Variants in PDE1C observed in about 807,000 individuals in gnomAD.
PDE1C encodes the protein phosphodiesterase 1C, also known as dual specificity calcium/calmodulin-dependent 3',5'-cyclic nucleotide phosphodiesterase 1C.
A neutral mutation model predicts 93.1 loss-of-function variants in PDE1C; 62 were observed. The ratio of observed to expected loss-of-function variants is 0.67; its 90% CI spans 0.54 to 0.82. The LOEUF (loss-of-function observed/expected upper bound fraction) is 0.82, where lower values mean the gene tolerates loss of function less well. Ranked by LOEUF, PDE1C falls within the 40% of genes least tolerant of loss-of-function variation. PDE1C has a pLI of 0.00. For synonymous variants in PDE1C, 325 were observed against 310.1 expected (o/e 1.05, Z -0.50); for missense variants, 742 against 884.6 (o/e 0.84, Z 2.04).
At chr7:32,114,918 C>T (rs1268956152) in intron 3 of PDE1C, among the ~76,000 whole-genome samples, 1 of 152,190 alleles carries the variant, frequency 6.6e-6, no homozygotes, top group Admixed American at 6.5e-5. Context: ...AATGAGATAT[C>T]ATCTCATGCC....
At chr7:32,142,779 T>A (rs73102602) in intron 3 of PDE1C, among the ~76,000 whole-genome samples, 49,170 of 152,032 alleles carry the variant, frequency 0.32, 8,711 homozygotes, top group South Asian at 0.41. Context: ...AAAGAAGAGA[T>A]GCTCGAGCTG....
At chr7:31,744,507 G>C in the PDE1C span, among the ~76,000 whole-genome samples, 1 of 152,142 alleles carries the variant, frequency 6.6e-6, no homozygotes, top group Non-Finnish European at 1.5e-5. Flanking sequence ...GACTGTGAGC[G>C]TATCAGGTGC....
intron 9 of PDE1C, among the ~76,000 whole-genome samples, chr7:31,841,227 C>CTCTTTCTATA (rs751320538): frequency 1.4e-5 from 2 of 142,262 alleles, no homozygotes; most frequent in African/African-American, 5.3e-5. Flanking sequence ...CTCTCTCTCT[C>CTCTTTCTATA]TATATATATA....
intron 3 of PDE1C, among the ~76,000 whole-genome samples, chr7:32,124,533 C>T (rs75078517): frequency 0.13 from 20,156 of 152,022 alleles, 2,461 homozygotes; most frequent in African/African-American, 0.32. Flanking sequence ...AGAACAGAGA[C>T]GTCGGAAATA....
At chr7:31,989,847 T>A (rs373104884) in intron 2 of PDE1C, among the ~76,000 whole-genome samples, 2 of 152,346 alleles carry the variant, frequency 1.3e-5, no homozygotes, top group South Asian at 4.1e-4. Flanking sequence ...AAGTTACCTA[T>A]CTTATCCAAA....
chr7:32,329,737 C>T (rs981907692), intron 1 of PDE1C, among the ~76,000 whole-genome samples: 2 of 152,040 alleles, frequency 1.3e-5, no homozygotes, highest in African/African-American at 4.8e-5. Context: ...TTTCTTTTTC[C>T]CTTTATTTTT....
chr7:31,827,157 C>T (rs1789783732), intron 12 of PDE1C, among the ~76,000 whole-genome samples: 2 of 152,140 alleles, frequency 1.3e-5, no homozygotes, highest in Admixed American at 1.3e-4. Context: ...CTACATCCTA[C>T]TCCGTACCCA....
At chr7:32,254,203 C>G (rs1009185394) in intron 1 of PDE1C, among the ~76,000 whole-genome samples, 1 of 152,326 alleles carries the variant, frequency 6.6e-6, no homozygotes. Flanking sequence ...AAGAGTAGTT[C>G]TGTCCATATG....
intron 2 of PDE1C, among the ~76,000 whole-genome samples, chr7:32,010,214 G>C (rs1786889562): frequency 6.6e-6 from 1 of 152,028 alleles, no homozygotes; most frequent in African/African-American, 2.4e-5. Flanking sequence ...AAAGAACAAA[G>C]GGGAACTAAA....
intron 3 of PDE1C, among the ~76,000 whole-genome samples, chr7:32,095,422 C>T (rs1167345057): frequency 2.0e-5 from 3 of 152,176 alleles, no homozygotes; most frequent in Non-Finnish European, 2.9e-5. Context: ...TCCTTCCAGA[C>T]AATGGCATTT....
chr7:32,181,870 T>C (rs983570162), intron 2 of PDE1C, among the ~76,000 whole-genome samples: 3 of 152,138 alleles, frequency 2.0e-5, no homozygotes, highest in African/African-American at 2.4e-5. Flanking sequence ...AGCTGGTTTT[T>C]TGAAAAGATC....
intron 3 of PDE1C, among the ~76,000 whole-genome samples, chr7:32,150,215 C>T (rs1325552120): frequency 6.6e-6 from 1 of 152,210 alleles, no homozygotes; most frequent in African/African-American, 2.4e-5. Flanking sequence ...CTCCGGGTCA[C>T]ATCATTGTTG....
intron 1 of PDE1C, among the ~76,000 whole-genome samples, chr7:32,362,653 C>T (rs952522325): frequency 2.0e-5 from 3 of 152,138 alleles, no homozygotes; most frequent in African/African-American, 7.2e-5. Context: ...GCAGTAATCA[C>T]CTGCCTGGGC....
chr7:32,081,661 C>G (rs1222296425), intron 3 of PDE1C, among the ~76,000 whole-genome samples: 3 of 152,208 alleles, frequency 2.0e-5, no homozygotes, highest in African/African-American at 7.2e-5. Flanking sequence ...TTGCCAGATT[C>G]ATCATCTCAA....
chr7:32,132,892 G>T (rs529662606), intron 3 of PDE1C, among the ~76,000 whole-genome samples: 37 of 152,218 alleles, frequency 2.4e-4, no homozygotes, highest in African/African-American at 8.9e-4. Flanking sequence ...TGTGGGATTT[G>T]TGATAAAACA....
At chr7:31,694,510 G>C in the PDE1C span, among the ~76,000 whole-genome samples, 1 of 152,040 alleles carries the variant, frequency 6.6e-6, no homozygotes, top group Non-Finnish European at 1.5e-5. Context: ...AAAATGATAA[G>C]AGTCCATGTT....
chr7:32,104,292 A>T (rs1408788855), intron 3 of PDE1C, among the ~76,000 whole-genome samples: 1 of 152,194 alleles, frequency 6.6e-6, no homozygotes, highest in Admixed American at 6.5e-5. Flanking sequence ...GGGTGAAAAA[A>T]GTGCAGTTGG....
chr7:31,884,888 T>C (rs1448875368), intron 2 of PDE1C, among the ~76,000 whole-genome samples: 2 of 152,252 alleles, frequency 1.3e-5, no homozygotes, highest in Non-Finnish European at 2.9e-5. Context: ...TAAGAAGGGT[T>C]GTCTGAAAAT....
intron 2 of PDE1C, among the ~76,000 whole-genome samples, chr7:32,005,578 A>AAAAAAAAAAAAAAAAAAAAAAAAAAAAC (rs1204630246): frequency 9.6e-6 from 1 of 103,716 alleles, no homozygotes; most frequent in Non-Finnish European, 2.0e-5. Flanking sequence ...AAAAAAAAAA[A>AAAAAAAAAAAAAAAAAAAAAAAAAAAAC]AAAGAATTGT....
Sources: allele counts gnomAD v4.1 joint callset (sites outside exome capture counted in the v4.1 genomes callset), GRCh38; gene constraint gnomAD v4.1.1; transcripts MANE v1.5; gene names NCBI Gene and HGNC (gene_info 2026-07-23, HGNC 2026-07-21).